The following CTDSPL variants were observed in gnomAD, a reference collection of about 807,000 sequenced individuals.
CTDSPL encodes the protein CTD small phosphatase-like protein.
In CTDSPL, 8 loss-of-function variants were observed where a neutral mutation model predicts 30.5. That is an observed-to-expected ratio of 0.26 (90% CI 0.15 to 0.47). The LOEUF (loss-of-function observed/expected upper bound fraction) is 0.47, where lower values mean the gene tolerates loss of function less well. CTDSPL is among the 20% of genes least tolerant of loss of function. CTDSPL has a pLI of 0.99. For synonymous variants in CTDSPL, 110 were observed against 137.9 expected (o/e 0.80, Z 1.42); for missense variants, 248 against 366.1 (o/e 0.68, Z 2.63).
At chr3:37,974,039 G>A (rs1439572421) in intron 6 of CTDSPL, among the ~76,000 whole-genome samples, 5 of 152,188 alleles carry the variant, frequency 3.3e-5, no homozygotes, top group Admixed American at 2.6e-4. Context: ...TTCTTAAAAC[G>A]TTAGGAGATT....
rs940932391 is a variant in CTDSPL, at chr3:37,982,908, G to C, written c.*2041G>C. The C allele has an allele frequency of 1.5e-5, 4 of 270,540 alleles. No individual in the cohort carries two copies. The highest frequency in any genetic ancestry group is 2.2e-5 in the Non-Finnish European group (3 of 133,418). The allele number at this position is 270,540 out of a possible 1,614,324, so 16.8% of individuals were successfully genotyped here. On this transcript the variant is annotated 3_prime_UTR_variant, in exon 8 of 8. Coordinates refer to ENST00000273179, the MANE Select transcript of CTDSPL (RefSeq NM_001008392.2). ...GAATTAGGCCCTAATGAGAGCCTTA[G>C]ACCCTCAACCATGCCCCCTTCGTTG...
chr3:37,935,760 G>A (rs1236126550), intron 1 of CTDSPL, among the ~76,000 whole-genome samples: 1 of 152,126 alleles, frequency 6.6e-6, no homozygotes, highest in Non-Finnish European at 1.5e-5. Context: ...TGGAGTGAAG[G>A]CAGGCAGCAT....
chr3:37,908,404 T>C (rs1440093251), intron 1 of CTDSPL, among the ~76,000 whole-genome samples: 1 of 152,242 alleles, frequency 6.6e-6, no homozygotes, highest in Admixed American at 6.5e-5. Context: ...TTTATCTCAA[T>C]TATTCTTTCC....
chr3:37,967,793 A>G (rs1190261558), intron 4 of CTDSPL, 33 bp from the exon 5 acceptor site: 1 of 1,486,932 alleles, frequency 6.7e-7, no homozygotes, highest in Non-Finnish European at 9.2e-7. Context: ...TTGTTCCTTC[A>G]GACATATTAA....
intron 1 of CTDSPL, among the ~76,000 whole-genome samples, chr3:37,934,382 T>C (rs1698891183): frequency 6.6e-6 from 1 of 152,010 alleles, no homozygotes; most frequent in African/African-American, 2.4e-5. Flanking sequence ...TCTCATGATA[T>C]GTGAAAATGT....
At chr3:37,980,064 G>C (rs1699472808) in intron 7 of CTDSPL, among the ~76,000 whole-genome samples, 1 of 151,948 alleles carries the variant, frequency 6.6e-6, no homozygotes, top group African/African-American at 2.4e-5. Flanking sequence ...TTTGTAAAAG[G>C]GCTAAAATGT....
chr3:37,881,075 G>A (rs1449818780), intron 1 of CTDSPL, among the ~76,000 whole-genome samples: 2 of 151,042 alleles, frequency 1.3e-5, no homozygotes, highest in African/African-American at 4.9e-5. Context: ...ACCTGCTCAT[G>A]TTTCAGCTTG....
At chr3:37,875,056 C>A (rs535863319) in intron 1 of CTDSPL, among the ~76,000 whole-genome samples, 1 of 152,250 alleles carries the variant, frequency 6.6e-6, no homozygotes, top group East Asian at 1.9e-4. Flanking sequence ...AATGGGGATG[C>A]ATATTCAGTG....
chr3:37,935,687 C>G (rs1337912184), intron 1 of CTDSPL, among the ~76,000 whole-genome samples: 1 of 152,146 alleles, frequency 6.6e-6, no homozygotes, highest in African/African-American at 2.4e-5. Context: ...TGTCTGGCAT[C>G]ATCTAATAAG....
chr3:37,863,029 A>G (rs1208409340), intron 1 of CTDSPL, among the ~76,000 whole-genome samples: 1 of 152,166 alleles, frequency 6.6e-6, no homozygotes, highest in South Asian at 2.1e-4. Flanking sequence ...GTATCAGACA[A>G]TGAGGCCATG....
At chr3:37,886,377 G>A (rs981819174) in intron 1 of CTDSPL, among the ~76,000 whole-genome samples, 1 of 152,004 alleles carries the variant, frequency 6.6e-6, no homozygotes, top group Non-Finnish European at 1.5e-5. Context: ...CCCTCACTAG[G>A]ATGTCTGCCC....
intron 3 of CTDSPL, among the ~76,000 whole-genome samples, chr3:37,959,638 T>G (rs1219463064): frequency 2.0e-5 from 3 of 152,372 alleles, no homozygotes; most frequent in South Asian, 4.1e-4. Flanking sequence ...GCATTTACTT[T>G]GTTTCCACTT....
At chr3:37,911,884 GC>G (rs1019795742) in intron 1 of CTDSPL, 38 of 319,208 alleles carry the variant, frequency 1.2e-4, no homozygotes, top group African/African-American at 7.9e-4. Context: ...CATGGTGAAA[GC>G]TCGTCTCTAC....
chr3:37,890,899 T>A (rs375910003), intron 1 of CTDSPL, among the ~76,000 whole-genome samples: 1 of 152,088 alleles, frequency 6.6e-6, no homozygotes, highest in Non-Finnish European at 1.5e-5. Context: ...TAGAAAACGG[T>A]TTTGCCACCT....
At chr3:37,902,358 C>T (rs185742558) in intron 1 of CTDSPL, among the ~76,000 whole-genome samples, 227 of 152,252 alleles carry the variant, frequency 1.5e-3, no homozygotes, top group African/African-American at 4.2e-3. Flanking sequence ...TAGTTTGCCC[C>T]AGGGGATGGG....
chr3:37,930,003 A>C (rs1457473318), intron 1 of CTDSPL, among the ~76,000 whole-genome samples: 1 of 151,830 alleles, frequency 6.6e-6, no homozygotes, highest in African/African-American at 2.4e-5. Context: ...GCTATTCAGG[A>C]GGCTGAGGCA....
In CTDSPL at chr3:37,939,737, T is replaced by C. The variant is rs1698956253; in HGVS notation, c.80-7320T>C. On this transcript the variant is annotated intron_variant, in intron 1 of 7. Transcript: ENST00000273179. ...TCACACCAGGCCTTTTACACATTGC[T>C]GTTTCACCTGCTCCTCCCACCACAA... 1.3e-5 allele frequency among the ~76,000 whole-genome samples: 2 copies of C among 150,252 alleles called. 1 individual carries two copies. The highest frequency in any genetic ancestry group is 1.3e-4 in the Admixed American group (2 of 14,940).
intron 2 of CTDSPL, among the ~76,000 whole-genome samples, chr3:37,953,694 A>G (rs958445278): frequency 6.6e-6 from 1 of 152,216 alleles, no homozygotes; most frequent in Admixed American, 6.5e-5. Context: ...CTTTATGACA[A>G]ATGGTCTAAT....
At chr3:37,881,955 G>A (rs1018559174) in intron 1 of CTDSPL, among the ~76,000 whole-genome samples, 14 of 152,214 alleles carry the variant, frequency 9.2e-5, no homozygotes, top group Admixed American at 9.2e-4. Flanking sequence ...ATTTGCTAGA[G>A]CTGGGTAGTT....
Sources: gnomAD v4.1 joint callset for allele counts (sites outside exome capture counted in the v4.1 genomes callset) on GRCh38, gnomAD v4.1.1 for gene constraint, MANE v1.5 for transcripts, NCBI Gene and HGNC (gene_info 2026-07-23, HGNC 2026-07-21) for gene names.